Variants in DCDC1 observed in about 807,000 individuals in gnomAD.
DCDC1 encodes the protein doublecortin domain-containing protein 1.
In DCDC1, 200 loss-of-function variants were observed where a neutral mutation model predicts 178.3. The ratio of observed to expected loss-of-function variants is 1.12; its 90% CI spans 1.00 to 1.26. The LOEUF (loss-of-function observed/expected upper bound fraction) is 1.26, where lower values mean the gene tolerates loss of function less well. Among genes scored for constraint, DCDC1 ranks in the 50% most tolerant of loss-of-function variants. DCDC1 has a pLI of 0.00. For missense variants in DCDC1, 1,983 were observed against 1,749.2 expected (o/e 1.13, Z -2.38); for synonymous variants, 690 against 604.8 (o/e 1.14, Z -2.07).
chr11:31,350,153 A>T (rs558921327), intron 1 of DCDC1, among the ~76,000 whole-genome samples: 4 of 152,202 alleles, frequency 2.6e-5, no homozygotes, highest in Non-Finnish European at 5.9e-5. Flanking sequence ...AATTATCAGA[A>T]GTATTATATG....
chr11:31,093,460 T>C (rs1030844951), intron 16 of DCDC1, among the ~76,000 whole-genome samples: 3 of 152,160 alleles, frequency 2.0e-5, no homozygotes, highest in African/African-American at 7.2e-5. Flanking sequence ...CATAAATACA[T>C]ATTTACAAAA....
chr11:31,043,122 C>G (rs755805296), intron 20 of DCDC1, among the ~76,000 whole-genome samples: 6 of 152,128 alleles, frequency 3.9e-5, no homozygotes, highest in African/African-American at 1.4e-4. Context: ...TGCAGGAAAC[C>G]GTAGCACAAT....
intron 9 of DCDC1, among the ~76,000 whole-genome samples, chr11:31,149,861 A>G (rs1391660429): frequency 6.6e-6 from 1 of 152,202 alleles, no homozygotes; most frequent in African/African-American, 2.4e-5. Flanking sequence ...CATCTTTAAG[A>G]GCTGTAACAC....
At chr11:31,178,037 C>T (rs1278440022) in intron 9 of DCDC1, among the ~76,000 whole-genome samples, 1 of 152,170 alleles carries the variant, frequency 6.6e-6, no homozygotes, top group Non-Finnish European at 1.5e-5. Flanking sequence ...ATGGACCAAA[C>T]AGATATTTAC....
chr11:31,142,252 TA>T (rs1265114644), intron 9 of DCDC1, among the ~76,000 whole-genome samples: 1 of 152,184 alleles, frequency 6.6e-6, no homozygotes, highest in Admixed American at 6.5e-5. Flanking sequence ...GTAAAAGAAT[TA>T]AACAATAAAT....
intron 7 of DCDC1, among the ~76,000 whole-genome samples, chr11:31,271,737 T>G (rs755061989): frequency 6.6e-6 from 1 of 152,174 alleles, no homozygotes; most frequent in East Asian, 1.9e-4. Flanking sequence ...AGAGGTTTAG[T>G]GGACTTACCA....
chr11:30,883,961 A>G (rs1942928373), intron 36 of DCDC1, among the ~76,000 whole-genome samples: 1 of 151,976 alleles, frequency 6.6e-6, no homozygotes, highest in Non-Finnish European at 1.5e-5. Flanking sequence ...ATAAGTCTTC[A>G]TAGAGAAAAA....
chr11:30,889,978 G>C (rs967239515), intron 36 of DCDC1, among the ~76,000 whole-genome samples: 3 of 152,128 alleles, frequency 2.0e-5, no homozygotes, highest in Non-Finnish European at 4.4e-5. Context: ...CAGTGGGACT[G>C]GTTTCTTTAT....
chr11:31,333,063 T>C (rs1950083163), intron 2 of DCDC1, among the ~76,000 whole-genome samples: 1 of 152,226 alleles, frequency 6.6e-6, no homozygotes, highest in African/African-American at 2.4e-5. Flanking sequence ...ATCTGGGTGC[T>C]CCTGTATTGG....
chr11:30,951,189 G>A (rs1430248490), intron 21 of DCDC1, among the ~76,000 whole-genome samples: 1 of 151,962 alleles, frequency 6.6e-6, no homozygotes, highest in East Asian at 1.9e-4. Context: ...TCTTCTCCCA[G>A]ATATATTGTG....
intron 12 of DCDC1, among the ~76,000 whole-genome samples, 169 bp from the exon 13 acceptor site, chr11:31,107,129 A>C (rs1267042383): frequency 1.3e-5 from 2 of 152,224 alleles, no homozygotes; most frequent in Non-Finnish European, 1.5e-5. Context: ...TGTTTAGCTC[A>C]GTGTAAAGTA....
chr11:31,160,823 C>T (rs977354878), intron 9 of DCDC1, among the ~76,000 whole-genome samples: 1 of 152,152 alleles, frequency 6.6e-6, no homozygotes, highest in African/African-American at 2.4e-5. Flanking sequence ...ACACCATTTC[C>T]TGGACCCATT....
chr11:31,358,397 G>A (rs1307175424), intron 1 of DCDC1, among the ~76,000 whole-genome samples: 1 of 152,150 alleles, frequency 6.6e-6, no homozygotes, highest in African/African-American at 2.4e-5. Context: ...GTAGAAAGCT[G>A]AAACTGGACC....
intron 21 of DCDC1, among the ~76,000 whole-genome samples, chr11:30,937,008 G>C (rs1947318706): frequency 6.6e-6 from 1 of 151,970 alleles, no homozygotes; most frequent in Admixed American, 6.6e-5. Flanking sequence ...CCCACACAAG[G>C]GGATTAATTT....
At chr11:30,989,667 C>G (rs1950861805) in intron 20 of DCDC1, among the ~76,000 whole-genome samples, 2 of 152,176 alleles carry the variant, frequency 1.3e-5, no homozygotes, top group Non-Finnish European at 2.9e-5. Context: ...TGAATTATTT[C>G]TGCTCAAATC....
intron 20 of DCDC1, among the ~76,000 whole-genome samples, chr11:30,977,611 T>C (rs1441543369): frequency 6.6e-6 from 1 of 152,210 alleles, no homozygotes; most frequent in Non-Finnish European, 1.5e-5. Flanking sequence ...TATGTAGGAT[T>C]ACTACCTTAG....
rs150181198 is a variant in DCDC1 at position 31,039,042 on chromosome 11, T to C, written c.2591+25427A>G. Among the ~76,000 whole-genome samples the C allele has an allele frequency of 4.1e-3, 620 of 152,300 alleles. 7 individuals carry two copies. Among genetic ancestry groups the C allele is most frequent in the African/African-American group, 0.014 (594 of 41,562 alleles). ...GTAACTTTCAAATGTTGATATCTAATCAAGTGTTGATATCTAATATAGTTG... is the reference window on the plus strand; with the variant it reads ...GTAACTTTCAAATGTTGATATCTAACCAAGTGTTGATATCTAATATAGTTG... On this transcript the variant is annotated intron_variant, in intron 20 of 38. Coordinates refer to ENST00000684477, the MANE Select transcript of DCDC1 (RefSeq NM_001387274.1).
At chr11:31,019,817 G>T (rs1952748761) in intron 20 of DCDC1, among the ~76,000 whole-genome samples, 1 of 151,982 alleles carries the variant, frequency 6.6e-6, no homozygotes, top group Admixed American at 6.6e-5. Context: ...AATAAACCAA[G>T]ACCCTCCTTG....
intron 20 of DCDC1, among the ~76,000 whole-genome samples, chr11:30,953,268 C>A (rs1948540529): frequency 6.7e-6 from 1 of 148,152 alleles, no homozygotes; most frequent in South Asian, 2.1e-4. Flanking sequence ...ATATTAATTA[C>A]ATTATATATA....
Sources: gnomAD v4.1 joint callset for allele counts (sites outside exome capture counted in the v4.1 genomes callset) on GRCh38, gnomAD v4.1.1 for gene constraint, MANE v1.5 for transcripts, NCBI Gene and HGNC (gene_info 2026-07-23, HGNC 2026-07-21) for gene names.